Variants in ASB1 observed in about 807,000 individuals in gnomAD.
ASB1 encodes ankyrin repeat and SOCS box containing 1.
ASB1 carries 18 observed loss-of-function variants against 27.7 expected under a neutral mutation model. The ratio of observed to expected loss-of-function variants is 0.65; its 90% confidence interval spans 0.45 to 0.96. The LOEUF is 0.96. Ranked by LOEUF, ASB1 falls within the 50% of genes least tolerant of loss-of-function variation. ASB1 has a pLI of 0.00. For synonymous variants in ASB1, 189 were observed against 187.6 expected (o/e 1.01, Z -0.06); for missense variants, 397 against 451.7 (o/e 0.88, Z 1.10).
Position 238,426,999 on chromosome 2 carries a change from G to A in ASB1, c.-72G>A. 1 of 1,188,430 alleles carries A rather than the reference G, an allele frequency of 8.4e-7. No homozygotes were observed. Among genetic ancestry groups the A allele is most frequent in the South Asian group, 3.9e-5 (1 of 25,612 alleles). The allele number at this position is 1,188,430 out of a possible 1,614,324, so 73.6% of individuals were successfully genotyped here. On this transcript the variant is annotated 5_prime_UTR_variant, in exon 1 of 5. Coordinates refer to ENST00000264607, the MANE Select transcript of ASB1 (RefSeq NM_001040445.3). Reference sequence around the variant, plus strand: ...CCCATTGCCCTCGGCGCCGGAAGTGGTCGCGGGTCGTTCTGCTTCCTGCCC... The same window carrying A: ...CCCATTGCCCTCGGCGCCGGAAGTGATCGCGGGTCGTTCTGCTTCCTGCCC...
chr2:238,444,529 A>G lies in ASB1; in HGVS notation c.682A>G (p.Thr228Ala), dbSNP rs2106410121. ...CTTCAACTGCAATGGTCCTGTCAAC[A>G]CACAGGGATTCTACAGGGGCTCCCC... Reference protein sequence around the residue: ...PDFNCNGPVNTQGFYRGSPGC... With the variant: ...PDFNCNGPVNAQGFYRGSPGC... Residue 228 changes from threonine to alanine, a missense_variant, in exon 4 of 5, where the codon ACA becomes GCA. Transcript: ENST00000264607. The G allele has an allele frequency of 1.2e-6, 2 of 1,614,142 alleles. No homozygotes were observed. The highest frequency in any genetic ancestry group is 1.7e-6 in the Non-Finnish European group (2 of 1,180,034).
intron 3 of ASB1, among the ~76,000 whole-genome samples, chr2:238,441,380 C>G (rs6726272): frequency 0.14 from 21,760 of 152,064 alleles, 2,946 homozygotes; most frequent in African/African-American, 0.35. Flanking sequence ...AGTGATCTGC[C>G]TGCCTTGGCC....
rs2106405161 is a variant in ASB1, at chr2:238,435,883, G to A, written c.364G>A (p.Gly122Arg). Residue 122 changes from glycine (G) to arginine (R), a missense_variant, in exon 3 of 5, where the codon GGG becomes AGG. By Grantham distance (125) the Gly-to-Arg change is moderately radical. Coordinates refer to ENST00000264607, the MANE Select transcript of ASB1 (RefSeq NM_001040445.3). ...GGCCCTGTATGTGGCTGTGGTGAAC[G>A]GGCACCTAGAGAGTACCCAGATCCT... ...QTALYVAVVN[G>R]HLESTQILLE... 3.7e-6 allele frequency: 6 copies of A among 1,614,218 alleles called. No individual in the cohort carries two copies. Among genetic ancestry groups the A allele is most frequent in the Non-Finnish European group, 3.4e-6 (4 of 1,180,048 alleles).
chr2:238,433,823 C>A, intron 2 of ASB1, 128 bp downstream of exon 2: 4 of 1,150,504 alleles, frequency 3.5e-6, no homozygotes, highest in Non-Finnish European at 3.7e-6. Context: ...TTTTAGAGGA[C>A]GGGGATAAAG....
intron 3 of ASB1, among the ~76,000 whole-genome samples, chr2:238,442,800 C>T (rs564713010): frequency 3.9e-5 from 6 of 152,290 alleles, no homozygotes; most frequent in South Asian, 2.1e-4. Flanking sequence ...AGTAAAACAT[C>T]TACACCCTCC....
Position 238,426,983 on chromosome 2 carries a change from C to T in ASB1, c.-88C>T, listed in dbSNP as rs1188534022. ...CGACCCCGACGCGCCCCCCATTGCC[C>T]TCGGCGCCGGAAGTGGTCGCGGGTC... On this transcript the variant is annotated 5_prime_UTR_variant, in exon 1 of 5. Coordinates refer to ENST00000264607, the MANE Select transcript of ASB1 (RefSeq NM_001040445.3). 5.4e-6 allele frequency: 6 copies of T among 1,115,766 alleles called. No homozygotes were observed. Among genetic ancestry groups the T allele is most frequent in the Non-Finnish European group, 6.8e-6 (6 of 884,730 alleles). 69.1% of individuals were successfully genotyped at this position (1,115,766 alleles called of 1,614,324 possible).
At chr2:238,436,083 C>A in intron 3 of ASB1, 70 bp downstream of exon 3, 1 of 1,421,280 alleles carries the variant, frequency 7.0e-7, no homozygotes, top group South Asian at 1.5e-5. Flanking sequence ...TGCAGTTTTT[C>A]TGTCTTTAGA....
intron 4 of ASB1, among the ~76,000 whole-genome samples, chr2:238,445,400 A>G (rs1290793747): frequency 6.6e-6 from 1 of 152,182 alleles, no homozygotes; most frequent in Non-Finnish European, 1.5e-5. Context: ...GGGGCTTTCT[A>G]GGGTTCCTTA....
chr2:238,431,743 G>C (rs967556404), intron 1 of ASB1, among the ~76,000 whole-genome samples: 2 of 150,170 alleles, frequency 1.3e-5, no homozygotes, highest in Non-Finnish European at 3.0e-5. Context: ...AGGGAGGCCT[G>C]AGGAGAGAGT....
intron 3 of ASB1, among the ~76,000 whole-genome samples, chr2:238,436,234 C>T (rs1009442357): frequency 6.6e-6 from 1 of 151,314 alleles, no homozygotes; most frequent in Non-Finnish European, 1.5e-5. Context: ...GTTTTTTTTC[C>T]CTTTTGAGTT....
At chr2:238,431,830 T>G (rs1446516593) in intron 1 of ASB1, among the ~76,000 whole-genome samples, 1 of 152,166 alleles carries the variant, frequency 6.6e-6, no homozygotes, top group Non-Finnish European at 1.5e-5. Context: ...TATGGCACAG[T>G]TTGTGGCACC....
chr2:238,428,050 T>G (rs1701795955), intron 1 of ASB1, among the ~76,000 whole-genome samples: 1 of 152,216 alleles, frequency 6.6e-6, no homozygotes, highest in African/African-American at 2.4e-5. Flanking sequence ...TGCTGTTGGC[T>G]AGACCCAGCA....
At chr2:238,439,949 G>A (rs1175567381) in intron 3 of ASB1, among the ~76,000 whole-genome samples, 1 of 152,088 alleles carries the variant, frequency 6.6e-6, no homozygotes, top group African/African-American at 2.4e-5. Context: ...TTATTAATTT[G>A]TTAGTATAGA....
chr2:238,445,894 C>T (rs575494057), intron 4 of ASB1, among the ~76,000 whole-genome samples: 13 of 152,362 alleles, frequency 8.5e-5, no homozygotes, highest in African/African-American at 3.1e-4. Flanking sequence ...CCTCGCTAAT[C>T]GAGACAGAAC....
Position 238,444,272 on chromosome 2 carries a change from T to TGGGA in ASB1, c.495-70_495-69insGGGA, listed in dbSNP as rs1229368080. 3.5e-5 allele frequency: 54 copies of TGGGA among 1,522,238 alleles called. No homozygotes were observed. The East Asian group carries it at 1.0e-3, about 30-fold the overall frequency. The allele number at this position is 1,522,238 out of a possible 1,614,324, so 94.3% of individuals were successfully genotyped here. A position where few individuals can be genotyped will look rare whatever the true frequency, so the allele number is the denominator to read the frequency against. ...CTGCTCAGGGTGGCTGTGGGATTTGTTGGATCTGTGGGATCTGTGGGCTGT... is the reference window on the plus strand; with the variant it reads ...CTGCTCAGGGTGGCTGTGGGATTTGTGGGATGGATCTGTGGGATCTGTGGGCTGT... On this transcript the variant is annotated intron_variant, in intron 3 of 4. Transcript: ENST00000264607.
chr2:238,442,863 C>T (rs982098200), intron 3 of ASB1, among the ~76,000 whole-genome samples: 3 of 152,144 alleles, frequency 2.0e-5, no homozygotes, highest in Non-Finnish European at 4.4e-5. Flanking sequence ...TGCAATTTGG[C>T]CCATTTCAAG....
chr2:238,445,783 C>A (rs972569666), intron 4 of ASB1, among the ~76,000 whole-genome samples: 14 of 152,370 alleles, frequency 9.2e-5, no homozygotes, highest in South Asian at 6.2e-4. Context: ...TTAAAGCATG[C>A]TCCTGTGTAG....
At chr2:238,433,438 G>A (rs1328029395) in intron 1 of ASB1, 116 bp from the exon 2 acceptor site, 17 of 1,246,200 alleles carry the variant, frequency 1.4e-5, no homozygotes, top group Non-Finnish European at 1.9e-5. Flanking sequence ...TATTTCTTGA[G>A]CATTTGAAGG....
At chr2:238,443,790 C>G (rs1702124390) in intron 3 of ASB1, among the ~76,000 whole-genome samples, 1 of 151,230 alleles carries the variant, frequency 6.6e-6, no homozygotes, top group Admixed American at 6.6e-5. Flanking sequence ...ATTTCCCCCT[C>G]AGCCTCATTT....
Sources: gnomAD v4.1 joint callset for allele counts (sites outside exome capture counted in the v4.1 genomes callset) on GRCh38, gnomAD v4.1.1 for gene constraint, MANE v1.5 for transcripts, NCBI Gene and HGNC (gene_info 2026-07-23, HGNC 2026-07-21) for gene names.